The following FUT8 variants were observed in gnomAD, a reference collection of about 807,000 sequenced individuals.
FUT8 encodes alpha-(1,6)-fucosyltransferase.
A neutral mutation model predicts 71.3 loss-of-function variants in FUT8; 29 were observed. The ratio of observed to expected loss-of-function variants is 0.41; its 90% CI spans 0.30 to 0.55. The LOEUF (loss-of-function observed/expected upper bound fraction) is 0.55, where lower values mean the gene tolerates loss of function less well. Ranked by LOEUF, FUT8 falls within the 20% of genes least tolerant of loss-of-function variation. FUT8 has a pLI of 0.34. For synonymous variants in FUT8, 254 were observed against 239.3 expected (o/e 1.06, Z -0.57); for missense variants, 544 against 702.1 (o/e 0.77, Z 2.55).
At chr14:65,646,494 A>G (rs1341490253) in intron 6 of FUT8, 1 of 152,204 alleles carries the variant, frequency 6.6e-6, no homozygotes. Flanking sequence ...ACCTCTGACT[A>G]GGACTCACTT....
At position 65,641,305 on chromosome 14, in the gene FUT8, C is replaced by T. The variant is rs894004164; in HGVS notation, c.597+11699C>T. 5.3e-5 allele frequency among the ~76,000 whole-genome samples: 8 copies of T among 152,034 alleles called. No individual in the cohort carries two copies. The South Asian group carries it at 1.0e-3, about 20-fold the overall frequency. ...ATTTTGTCTGGCTTCTTTTACTCAG[C>T]GTAATTATTTTGACGTTCATCTATG... On this transcript the variant is annotated intron_variant, in intron 6 of 10. Coordinates refer to ENST00000673929, the MANE Select transcript of FUT8 (RefSeq NM_001371533.1).
chr14:65,541,512 T>C (rs1884677955), intron 2 of FUT8, among the ~76,000 whole-genome samples: 1 of 152,194 alleles, frequency 6.6e-6, no homozygotes, highest in Non-Finnish European at 1.5e-5. Flanking sequence ...AATTAGTAGC[T>C]CTGGTATTTG....
Position 65,508,754 on chromosome 14 carries a change from C to T in FUT8, c.-227-52583C>T, listed in dbSNP as rs535665512. 1.1e-4 allele frequency among the ~76,000 whole-genome samples: 16 copies of T among 150,816 alleles called. No individual in the cohort carries two copies. In the East Asian group the frequency reaches 1.4e-3, roughly 13 times the overall value. On this transcript the variant is annotated intron_variant, in intron 2 of 10. Coordinates refer to ENST00000673929, the MANE Select transcript of FUT8 (RefSeq NM_001371533.1). ...TGACCTCAGGTAATCCACCCGCTTC[C>T]GCCTCCCAAAGTGCTGGGATTACAG...
chr14:65,428,300 C>T (rs2065419071), intron 1 of FUT8, among the ~76,000 whole-genome samples: 1 of 152,096 alleles, frequency 6.6e-6, no homozygotes, highest in South Asian at 2.1e-4. Context: ...CTTCAGAATT[C>T]TTACGTTGAG....
At chr14:65,576,722 T>C in intron 3 of FUT8, among the ~76,000 whole-genome samples, 1 of 34,732 alleles carries the variant, frequency 2.9e-5, no homozygotes, top group Non-Finnish European at 1.2e-4. Context: ...TTTTTTTTTT[T>C]TTTTTTTTTT....
intron 2 of FUT8, among the ~76,000 whole-genome samples, chr14:65,548,933 C>T (rs1202553705): frequency 6.6e-6 from 1 of 152,020 alleles, no homozygotes; most frequent in Non-Finnish European, 1.5e-5. Context: ...GATACTTTAC[C>T]AGAGAAGATA....
At chr14:65,646,415 A>G (rs1390076472) in intron 6 of FUT8, 3 of 152,266 alleles carry the variant, frequency 2.0e-5, no homozygotes, top group African/African-American at 7.2e-5. Context: ...GAGAATGTCC[A>G]GATTGCCTCT....
At chr14:65,442,183 T>C (rs1395992286) in intron 1 of FUT8, among the ~76,000 whole-genome samples, 1 of 151,756 alleles carries the variant, frequency 6.6e-6, no homozygotes, top group African/African-American at 2.4e-5. Context: ...GGTGGACTTT[T>C]TTTTTTTTTT....
Position 65,643,523 on chromosome 14 carries a change from G to A in FUT8, c.597+13917G>A, listed in dbSNP as rs548467907. 1.3e-3 allele frequency among the ~76,000 whole-genome samples: 204 copies of A among 151,792 alleles called. No homozygotes were observed. The highest frequency in any genetic ancestry group is 3.9e-3 in the African/African-American group (163 of 41,462). ...CAAAAGATTAGCCGGGCGTGGTGGC[G>A]GGCACCTGTAGTCTCAGCTACTCAG... On this transcript the variant is annotated intron_variant, in intron 6 of 10. Transcript: ENST00000673929. The surrounding 1 kb of genome is among the most constrained non-coding windows in gnomAD (Gnocchi z 4.5).
intron 3 of FUT8, among the ~76,000 whole-genome samples, chr14:65,611,193 ACACACGCG>A (rs1285339932): frequency 5.8e-4 from 2 of 3,422 alleles, no homozygotes; most frequent in African/African-American, 1.7e-3. Flanking sequence ...ATACACACAC[ACACACGCG>A]CGCGCGCGCG....
chr14:65,469,478 TTCTGTCTAG>T (rs201652994), intron 2 of FUT8, among the ~76,000 whole-genome samples: 3,852 of 152,348 alleles, frequency 0.025, 71 homozygotes, highest in Non-Finnish European at 0.041. Context: ...GGTGTTGCTT[TTCTGTCTAG>T]AAACCTCTGT....
At chr14:65,527,407 A>C (rs1566803553) in intron 2 of FUT8, among the ~76,000 whole-genome samples, 1 of 152,106 alleles carries the variant, frequency 6.6e-6, no homozygotes, top group Non-Finnish European at 1.5e-5. Flanking sequence ...CATGGTTTTC[A>C]GCTCCATCAG....
At chr14:65,357,839 G>T in the FUT8 span, among the ~76,000 whole-genome samples, 1 of 152,326 alleles carries the variant, frequency 6.6e-6, no homozygotes, top group Non-Finnish European at 1.5e-5. Context: ...TGAACTGGTG[G>T]TAATGGTGGT....
At chr14:65,492,146 T>G (rs2066491144) in intron 2 of FUT8, among the ~76,000 whole-genome samples, 1 of 152,208 alleles carries the variant, frequency 6.6e-6, no homozygotes, top group South Asian at 2.1e-4. Flanking sequence ...TCAAGTGAAA[T>G]CACATGAAAG....
chr14:65,505,588 A>G (rs555146037), intron 2 of FUT8, among the ~76,000 whole-genome samples: 1 of 152,236 alleles, frequency 6.6e-6, no homozygotes, highest in East Asian at 1.9e-4. Context: ...CTGGGATTAC[A>G]GGAGTGAGCT....
At chr14:65,614,270 A>C (rs1421007452) in intron 3 of FUT8, among the ~76,000 whole-genome samples, 1 of 152,236 alleles carries the variant, frequency 6.6e-6, no homozygotes, top group Non-Finnish European at 1.5e-5. Context: ...CTCAGATATA[A>C]TAGTAGCCTT....
intron 7 of FUT8, among the ~76,000 whole-genome samples, chr14:65,716,083 G>T (rs1433515034): frequency 6.6e-6 from 1 of 152,152 alleles, no homozygotes; most frequent in Non-Finnish European, 1.5e-5. Context: ...ATGTGCTGAG[G>T]AGAAGAATGT....
intron 9 of FUT8, among the ~76,000 whole-genome samples, chr14:65,730,802 T>G (rs1895943805): frequency 6.6e-6 from 1 of 152,174 alleles, no homozygotes; most frequent in Non-Finnish European, 1.5e-5. Context: ...TCATTGACAG[T>G]CAAAGAAATA....
rs971750204 is a variant in FUT8 at position 65,483,085 on chromosome 14, G to A, written c.-228+27367G>A. On this transcript the variant is annotated intron_variant, in intron 2 of 10. Transcript: ENST00000673929. The surrounding 1 kb of genome is among the most constrained non-coding windows in gnomAD (Gnocchi z 4.4). ...GATTTGTAACAGAGTATCTTTGGTG[G>A]GACACTTCTGTGTGAAGAGATTTTA... Among the ~76,000 whole-genome samples the A allele has an allele frequency of 1.3e-5, 2 of 152,120 alleles. No individual in the cohort carries two copies. The highest frequency in any genetic ancestry group is 2.9e-5 in the Non-Finnish European group (2 of 68,010).
Sources: gnomAD v4.1 joint callset for allele counts (sites outside exome capture counted in the v4.1 genomes callset) on GRCh38, gnomAD v4.1.1 for gene constraint, Gnocchi (gnomAD v3.1) non-coding constraint, MANE v1.5 for transcripts, NCBI Gene and HGNC (gene_info 2026-07-23, HGNC 2026-07-21) for gene names.